The following FAM53A variants were observed in gnomAD, a reference collection of about 807,000 sequenced individuals.
FAM53A encodes family with sequence similarity 53 member A, also known as protein FAM53A.
Under a neutral mutation model 26.6 loss-of-function variants are expected in FAM53A, and 28 were observed. The observed-to-expected ratio is 1.05, with a 90% CI of 0.78 to 1.45. FAM53A has a LOEUF of 1.45. Among genes scored for constraint, FAM53A ranks in the 40% most tolerant of loss-of-function variants. The probability of loss-of-function intolerance (pLI) is 0.00; values close to 1 mark genes in which losing one functional copy is unlikely to be tolerated. For missense variants in FAM53A, 650 were observed against 575.8 expected, an observed-to-expected ratio of 1.13 and a Z score of -1.32; for synonymous variants, 290 against 253.1, an observed-to-expected ratio of 1.15 and a Z score of -1.38.
intron 4 of FAM53A, among the ~76,000 whole-genome samples, chr4:1,648,497 G>C (rs1419868867): frequency 6.6e-6 from 1 of 152,164 alleles, no homozygotes; most frequent in Non-Finnish European, 1.5e-5. Flanking sequence ...GCGGTCAGGA[G>C]GGCTCTGGGT....
In FAM53A at chr4:1,647,669, C is replaced by T. The variant is rs542378623; in HGVS notation, c.883-6062G>A. On this transcript the variant is annotated intron_variant, in intron 4 of 4. Transcript: ENST00000308132. ...GAGTCCGCCAGGTGCAAGCACAGCA[C>T]AGCCGGGGTGCGGATGTGAGCGAGC... Among the ~76,000 whole-genome samples the T allele has an allele frequency of 2.0e-5, 3 of 152,374 alleles. No homozygotes were observed. In the South Asian group the frequency reaches 6.2e-4, roughly 32 times the overall value.
chr4:1,646,855 G>A (rs1712292186), intron 4 of FAM53A, among the ~76,000 whole-genome samples: 1 of 152,210 alleles, frequency 6.6e-6, no homozygotes, highest in South Asian at 2.1e-4. Context: ...GGTCTCTCCA[G>A]AGGCAGCTGA....
rs1413543767 is a variant in FAM53A at position 1,630,347 on chromosome 4, G to A, written c.432-12236C>T. On this transcript the variant is annotated intron_variant, in intron 1 of 1. Coordinates refer to the FAM53A transcript ENST00000489029. This position sits in a 1 kb window ranked among gnomAD's most constrained non-coding sequence, Gnocchi z 4.3. The stretch of plus-strand genomic sequence containing the variant: ...GTGTCTGCTGAGACCACTCACCTCT[G>A]CCACTGCAGCCGAAACAGCCACAGC... 6.6e-6 allele frequency among the ~76,000 whole-genome samples: 1 copy of A among 152,226 alleles called. No homozygotes were observed. The highest frequency in any genetic ancestry group is 1.5e-5 in the Non-Finnish European group (1 of 68,044).
At chr4:1,650,762 C>T (rs1335604767) in intron 4 of FAM53A, among the ~76,000 whole-genome samples, 4 of 150,516 alleles carry the variant, frequency 2.7e-5, no homozygotes, top group Non-Finnish European at 5.9e-5. Flanking sequence ...TCCCAAGGTG[C>T]TGGGATTACA....
chr4:1,635,830 CTAAT>C (rs1237704239), downstream of FAM53A, among the ~76,000 whole-genome samples: 2 of 141,678 alleles, frequency 1.4e-5, no homozygotes, highest in African/African-American at 2.6e-5. Context: ...CTGTATAATA[CTAAT>C]TCTTTTTTTT....
In FAM53A at chr4:1,650,776, G is replaced by A. The variant is rs865848420; in HGVS notation, c.882+4202C>T. Among the ~76,000 whole-genome samples, 53 of 151,406 alleles carry A rather than the reference G, an allele frequency of 3.5e-4. No homozygotes were observed. In the Middle Eastern group the frequency reaches 0.017, roughly 49 times the overall value. On this transcript the variant is annotated intron_variant, in intron 4 of 4. Coordinates refer to ENST00000308132, the MANE Select transcript of FAM53A (RefSeq NM_001174070.3). ...CTCCCAAGGTGCTGGGATTACAGGC[G>A]TGAGCCAGTACACCCGGCGGGTTTT...
the FAM53A span, among the ~76,000 whole-genome samples, chr4:1,608,098 C>T: frequency 1.2e-3 from 180 of 152,226 alleles, 1 homozygote; most frequent in African/African-American, 4.3e-3. Context: ...GGTGACAGAG[C>T]AAAACTTTGT....
chr4:1,643,543 T>C (rs998595427), intron 4 of FAM53A, among the ~76,000 whole-genome samples: 2 of 151,498 alleles, frequency 1.3e-5, no homozygotes, highest in Admixed American at 6.6e-5. Flanking sequence ...AGTGAATCAC[T>C]GAGAAGTAAA....
At chr4:1,652,817 C>T (rs967324845) in intron 4 of FAM53A, among the ~76,000 whole-genome samples, 1 of 148,384 alleles carries the variant, frequency 6.7e-6, no homozygotes, top group South Asian at 2.2e-4. Context: ...ACACACACCA[C>T]ATACTACCCA....
chr4:1,670,194 G>A (rs1355965206), intron 1 of FAM53A, among the ~76,000 whole-genome samples: 1 of 152,230 alleles, frequency 6.6e-6, no homozygotes, highest in East Asian at 1.9e-4. Flanking sequence ...AGACTCACAC[G>A]CACACTTCTG....
intron 1 of FAM53A, chr4:1,683,563 C>T (rs1441807492): frequency 6.6e-6 from 1 of 152,202 alleles, no homozygotes; most frequent in Non-Finnish European, 1.5e-5. Flanking sequence ...CTCATCCATC[C>T]GTACTGGGAG....
intron 1 of FAM53A, among the ~76,000 whole-genome samples, chr4:1,676,444 TG>T (rs996340593): frequency 2.8e-4 from 42 of 151,988 alleles, no homozygotes; most frequent in African/African-American, 8.4e-4. Context: ...TCTGAAGTAC[TG>T]GGGGGGGTCA....
At chr4:1,661,473 C>T (rs76507605) in intron 2 of FAM53A, among the ~76,000 whole-genome samples, 39,819 of 152,162 alleles carry the variant, frequency 0.26, 6,091 homozygotes, top group Middle Eastern at 0.46. Context: ...GCAGCACAGA[C>T]GCCCCAACGC....
At chr4:1,617,974 C>A (rs1224032631) in exon 2 of FAM53A, 2 of 451,184 alleles carry the variant, frequency 4.4e-6, no homozygotes, top group Non-Finnish European at 9.0e-6. Context: ...GCCACCACAA[C>A]AGAACTGACG....
chr4:1,591,205 T>A, the FAM53A span, among the ~76,000 whole-genome samples: 3 of 152,002 alleles, frequency 2.0e-5, no homozygotes, highest in Non-Finnish European at 1.5e-5. Flanking sequence ...TCCTTTAAAA[T>A]GTGTCTTCTC....
the FAM53A span, among the ~76,000 whole-genome samples, chr4:1,611,310 G>A: frequency 6.6e-6 from 1 of 152,150 alleles, no homozygotes. Context: ...CCTGGCTGGA[G>A]GGGGGCCCCC....
downstream of FAM53A, among the ~76,000 whole-genome samples, chr4:1,636,632 C>G (rs1715851892): frequency 6.6e-6 from 1 of 152,248 alleles, no homozygotes. Context: ...ACTCACTTCC[C>G]CAGATCCCAT....
At chr4:1,578,337 C>T in the FAM53A span, among the ~76,000 whole-genome samples, 2 of 152,228 alleles carry the variant, frequency 1.3e-5, no homozygotes, top group African/African-American at 2.4e-5. Context: ...GTGGCCTGCA[C>T]CCCGTCTGCG....
chr4:1,639,130 C>G (rs892819848), downstream of FAM53A, among the ~76,000 whole-genome samples: 8 of 152,180 alleles, frequency 5.3e-5, no homozygotes, highest in African/African-American at 1.9e-4. Flanking sequence ...ACCATGCCAG[C>G]CCCACAGCCC....
Sources: gnomAD v4.1 joint callset for allele counts (sites outside exome capture counted in the v4.1 genomes callset) on GRCh38, gnomAD v4.1.1 for gene constraint, Gnocchi (gnomAD v3.1) non-coding constraint, MANE v1.5 for transcripts, NCBI Gene and HGNC (gene_info 2026-07-23, HGNC 2026-07-21) for gene names.